The following SNX30 variants were observed in gnomAD, a reference collection of about 807,000 sequenced individuals.
The protein encoded by SNX30 is sorting nexin family member 30.
A neutral mutation model predicts 46.4 loss-of-function variants in SNX30; 24 were observed. The ratio of observed to expected loss-of-function variants is 0.52; its 90% CI spans 0.37 to 0.73. The LOEUF is 0.73. SNX30 is among the 30% of genes least tolerant of loss of function. The probability of loss-of-function intolerance (pLI) is 0.00; values close to 1 mark genes in which losing one functional copy is unlikely to be tolerated. For synonymous variants in SNX30, 189 were observed against 211.5 expected, an observed-to-expected ratio of 0.89 and a Z score of 0.92; for missense variants, 533 against 555.7, an observed-to-expected ratio of 0.96 and a Z score of 0.41.
rs1840384079 is a variant in SNX30 at position 112,815,570 on chromosome 9, AG to A, written c.349-2133del. Among the ~76,000 whole-genome samples, 26 of 152,314 alleles carry A rather than the reference AG, an allele frequency of 1.7e-4. No homozygotes were observed. In the South Asian group the frequency reaches 5.4e-3, roughly 32 times the overall value. On this transcript the variant is annotated intron_variant, in intron 2 of 8. Coordinates refer to ENST00000374232, the MANE Select transcript of SNX30 (RefSeq NM_001012994.2). Reference sequence around the variant, plus strand: ...GAGACAGGGTTTCACCATGTTGGCCAGGCTGATCTTGAACTACCGACCCCAA... The same window carrying A: ...GAGACAGGGTTTCACCATGTTGGCCAGCTGATCTTGAACTACCGACCCCAA...
At chr9:112,864,139 C>T in intron 7 of SNX30, 108 bp from the exon 8 acceptor site, 1 of 1,193,994 alleles carries the variant, frequency 8.4e-7, no homozygotes, top group South Asian at 1.4e-5. Context: ...GTGTTGATAG[C>T]ATTTTAATGT....
rs774177851 is a variant in SNX30 at position 112,864,806 on chromosome 9, TCTGGTGAAGC to T, written c.1254+410_1254+419del. On this transcript the variant is annotated intron_variant, in intron 8 of 8. Coordinates refer to ENST00000374232, the MANE Select transcript of SNX30 (RefSeq NM_001012994.2). ...GTTGTGCAGTGAACCCCTTTGGTCA[TCTGGTGAAGC>T]CTATAGACCCCTCACCAAAATACTG... 5.9e-5 allele frequency among the ~76,000 whole-genome samples: 9 copies of T among 152,130 alleles called. 1 individual carries two copies. The highest frequency in any genetic ancestry group is 1.2e-4 in the African/African-American group (5 of 41,400).
At chr9:112,764,573 G>A (rs371140132) in intron 1 of SNX30, among the ~76,000 whole-genome samples, 1 of 152,018 alleles carries the variant, frequency 6.6e-6, no homozygotes, top group Non-Finnish European at 1.5e-5. Flanking sequence ...TGTTTTAAGC[G>A]GGGGAGGAAC....
At chr9:112,757,265 C>T (rs897135655) in intron 1 of SNX30, among the ~76,000 whole-genome samples, 1 of 152,190 alleles carries the variant, frequency 6.6e-6, no homozygotes, top group Admixed American at 6.5e-5. Flanking sequence ...CTGTGTCCGG[C>T]TTGTTGCACT....
chr9:112,821,008 G>A (rs889314331), intron 3 of SNX30, among the ~76,000 whole-genome samples: 17 of 152,154 alleles, frequency 1.1e-4, no homozygotes, highest in African/African-American at 4.1e-4. Context: ...AAGTTTTTCT[G>A]TGGACATGTT....
chr9:112,813,238 G>GGATTGC (rs1840346248), intron 2 of SNX30, among the ~76,000 whole-genome samples: 2 of 152,100 alleles, frequency 1.3e-5, no homozygotes, highest in African/African-American at 4.8e-5. Context: ...CTGAGACAGA[G>GGATTGC]GATTGCTTAA....
In SNX30 at chr9:112,857,594, G is replaced by T. The variant is rs1314010380; in HGVS notation, c.1101+6649G>T. Among the ~76,000 whole-genome samples, 11 of 152,296 alleles carry T rather than the reference G, an allele frequency of 7.2e-5. No homozygotes were observed. In the East Asian group the frequency reaches 2.1e-3, roughly 29 times the overall value. The stretch of plus-strand genomic sequence containing the variant: ...AGCTCCCCTTTCCTCCACACTTTGG[G>T]ATTATATCTGTCTTGTGTAGTCTTT... On this transcript the variant is annotated intron_variant, in intron 7 of 8. Coordinates refer to ENST00000374232, the MANE Select transcript of SNX30 (RefSeq NM_001012994.2).
chr9:112,867,434 T>TTCCTCAGAACTCCTCCTCCA (rs1426710963), intron 8 of SNX30, among the ~76,000 whole-genome samples: 1 of 96,986 alleles, frequency 1.0e-5, no homozygotes. Flanking sequence ...CTCCTCCTCC[T>TTCCTCAGAACTCCTCCTCCA]TCCTCAGAAC....
chr9:112,876,600 G>A (rs1841520078), downstream of SNX30, among the ~76,000 whole-genome samples: 1 of 152,054 alleles, frequency 6.6e-6, no homozygotes, highest in South Asian at 2.1e-4. Context: ...GGACTAGATT[G>A]CATGGGAAGA....
chr9:112,858,088 G>C (rs1417907398), intron 7 of SNX30, among the ~76,000 whole-genome samples: 1 of 152,128 alleles, frequency 6.6e-6, no homozygotes, highest in African/African-American at 2.4e-5. Flanking sequence ...GGTCTTATCT[G>C]GTGATATTTT....
intron 2 of SNX30, among the ~76,000 whole-genome samples, chr9:112,812,616 T>C (rs1016446446): frequency 2.0e-5 from 3 of 152,214 alleles, no homozygotes; most frequent in African/African-American, 7.2e-5. Context: ...AGCAGGTTTT[T>C]CTTGCTGTAT....
At chr9:112,865,539 G>A (rs1449439490) in intron 8 of SNX30, among the ~76,000 whole-genome samples, 1 of 150,584 alleles carries the variant, frequency 6.6e-6, no homozygotes, top group East Asian at 2.0e-4. Context: ...GATGGCTTGA[G>A]CCAGGAGTTC....
chr9:112,779,710 AAG>A (rs1472641585), intron 1 of SNX30, among the ~76,000 whole-genome samples: 1 of 152,052 alleles, frequency 6.6e-6, no homozygotes, highest in African/African-American at 2.4e-5. Flanking sequence ...ACAAACCAAA[AAG>A]AGAGCTGCAT....
rs186983909 is a variant in SNX30, at chr9:112,872,057, G to A, written c.*3214G>A. 2 of 152,286 alleles carry A rather than the reference G, an allele frequency of 1.3e-5. No individual in the cohort carries two copies. Among genetic ancestry groups the A allele is most frequent in the Admixed American group, 1.3e-4 (2 of 15,300 alleles). The allele number at this position is 152,286 out of a possible 1,614,324, so 9.4% of individuals were successfully genotyped here. A position where few individuals can be genotyped will look rare whatever the true frequency, so the allele number is the denominator to read the frequency against. ...ACCTTTCTTTAGTTGAAATAAACCA[G>A]CATGACCTGGAGATCATGGTGACTG... On this transcript the variant is annotated 3_prime_UTR_variant, in exon 9 of 9. Coordinates refer to ENST00000374232, the MANE Select transcript of SNX30 (RefSeq NM_001012994.2).
chr9:112,751,051 T>A lies in SNX30; in HGVS notation c.50T>A (p.Leu17Gln), dbSNP rs2131339218. 6.7e-7 allele frequency: 1 copy of A among 1,491,734 alleles called. No individual in the cohort carries two copies. Among genetic ancestry groups the A allele is most frequent in the Non-Finnish European group, 8.9e-7 (1 of 1,126,886 alleles). 92.4% of individuals were successfully genotyped at this position (1,491,734 alleles called of 1,614,324 possible). ...CTGCCGTCCACGGGGCCCCACTCCC[T>A]GCGCGACATGCCGCACCCGCTGGCC... Reference protein sequence around the residue: ...KALPSTGPHSLRDMPHPLAGS... With the variant: ...KALPSTGPHSQRDMPHPLAGS... Residue 17 changes from leucine to glutamine, a missense_variant, in exon 1 of 9, where the codon CTG becomes CAG. By Grantham distance (113) the Leu-to-Gln change is moderately radical. Coordinates refer to ENST00000374232, the MANE Select transcript of SNX30 (RefSeq NM_001012994.2).
chr9:112,847,171 A>G (rs1006316104), intron 6 of SNX30, among the ~76,000 whole-genome samples: 20 of 152,220 alleles, frequency 1.3e-4, no homozygotes, highest in South Asian at 4.1e-4. Flanking sequence ...TTGTGTTTCT[A>G]TTGTTTAGCC....
intron 1 of SNX30, among the ~76,000 whole-genome samples, chr9:112,776,394 T>C (rs1435199845): frequency 6.6e-6 from 1 of 152,244 alleles, no homozygotes; most frequent in Admixed American, 6.5e-5. Context: ...AACCCACTTA[T>C]GTTTGTTTAG....
chr9:112,816,983 A>T (rs12554659), intron 2 of SNX30, among the ~76,000 whole-genome samples: 23,826 of 152,240 alleles, frequency 0.16, 2,137 homozygotes, highest in Admixed American at 0.23. Context: ...AAAAATTGAG[A>T]AAAAGGGATG....
At chr9:112,852,095 C>T (rs1841037256) in intron 7 of SNX30, among the ~76,000 whole-genome samples, 1 of 152,126 alleles carries the variant, frequency 6.6e-6, no homozygotes, top group Non-Finnish European at 1.5e-5. Flanking sequence ...CAGCTCGGAA[C>T]TCGTCAGTGG....
Sources: gnomAD v4.1 joint callset for allele counts (sites outside exome capture counted in the v4.1 genomes callset) on GRCh38, gnomAD v4.1.1 for gene constraint, MANE v1.5 for transcripts, NCBI Gene and HGNC (gene_info 2026-07-23, HGNC 2026-07-21) for gene names.